CORO2B: variants seen among roughly 807,000 people sequenced by gnomAD.
CORO2B encodes coronin 2B.
A neutral mutation model predicts 58.8 loss-of-function variants in CORO2B; 26 were observed. That is an observed-to-expected ratio of 0.44 (90% confidence interval 0.32 to 0.61). The LOEUF (loss-of-function observed/expected upper bound fraction) is 0.61. CORO2B is among the 20% of genes least tolerant of loss of function. The pLI, the probability that CORO2B is intolerant of heterozygous loss-of-function variation, is 0.04. For missense variants in CORO2B, 460 were observed against 645.1 expected (o/e 0.71, Z 3.11); for synonymous variants, 242 against 253.8 (o/e 0.95, Z 0.44).
chr15:68,622,584 C>T (rs1900557836), intron 1 of CORO2B, among the ~76,000 whole-genome samples: 1 of 152,160 alleles, frequency 6.6e-6, no homozygotes. Context: ...CAAATCCTAT[C>T]GTTGGACCTC....
At chr15:68,697,515 G>A (rs1200425375) in intron 3 of CORO2B, among the ~76,000 whole-genome samples, 1 of 152,194 alleles carries the variant, frequency 6.6e-6, no homozygotes, top group African/African-American at 2.4e-5. Flanking sequence ...ATGGGAGAGT[G>A]GTGAGGAGGT....
chr15:68,543,793 C>T, the CORO2B span, among the ~76,000 whole-genome samples: 33 of 152,256 alleles, frequency 2.2e-4, no homozygotes, highest in South Asian at 6.6e-3. Context: ...TTAGTCCCTC[C>T]TGCCCTAGTC....
At chr15:68,681,467 G>A (rs1902780731) in intron 2 of CORO2B, among the ~76,000 whole-genome samples, 1 of 152,114 alleles carries the variant, frequency 6.6e-6, no homozygotes, top group Non-Finnish European at 1.5e-5. Context: ...TGGCAGAGAA[G>A]TTCTGTGTTT....
At chr15:68,621,084 C>T (rs985951116) in intron 1 of CORO2B, among the ~76,000 whole-genome samples, 3 of 152,180 alleles carry the variant, frequency 2.0e-5, no homozygotes, top group East Asian at 1.9e-4. Context: ...CGGATGAGAT[C>T]GGCAGTGAAT....
chr15:68,555,131 G>A, the CORO2B span, among the ~76,000 whole-genome samples: 10 of 152,176 alleles, frequency 6.6e-5, no homozygotes, highest in African/African-American at 2.4e-4. Context: ...GCTGGGTGAC[G>A]TCAGACTCTT....
In CORO2B at chr15:68,658,864, T is replaced by C. The variant is rs80291349; in HGVS notation, c.216+13504T>C. Among the ~76,000 whole-genome samples, 870 of 152,340 alleles carry C rather than the reference T, an allele frequency of 5.7e-3. 8 individuals are homozygous for C. The highest frequency in any genetic ancestry group is 0.02 in the African/African-American group (818 of 41,570). On this transcript the variant is annotated intron_variant, in intron 2 of 11. Coordinates refer to ENST00000261861, the MANE Select transcript of CORO2B (RefSeq NM_006091.5). ...GCAACATGGAGGCCTGATGAGCCCC[T>C]GTGCAGTGTTTGTGAAGTGCTGTCG...
intron 2 of CORO2B, among the ~76,000 whole-genome samples, chr15:68,685,828 T>C (rs1246603397): frequency 2.0e-5 from 3 of 152,184 alleles, no homozygotes; most frequent in Non-Finnish European, 4.4e-5. Flanking sequence ...TCACTGGGCA[T>C]TGGGATTACT....
chr15:68,702,057 A>T (rs1355730356), intron 3 of CORO2B, among the ~76,000 whole-genome samples: 1 of 152,142 alleles, frequency 6.6e-6, no homozygotes, highest in East Asian at 1.9e-4. Flanking sequence ...AGCCTGGCCA[A>T]CATGATAAGC....
intron 2 of CORO2B, among the ~76,000 whole-genome samples, chr15:68,680,252 TG>T (rs535630654): frequency 5.7e-4 from 87 of 152,310 alleles, no homozygotes; most frequent in Admixed American, 5.0e-3. Context: ...ACTGGCATTG[TG>T]TTTGAGACCA....
Position 68,725,956 on chromosome 15 carries a change from C to G in CORO2B, c.1425C>G (p.Asn475Lys). 1 of 1,613,876 alleles carries G rather than the reference C, an allele frequency of 6.2e-7. No homozygotes were observed. The highest frequency in any genetic ancestry group is 8.5e-7 in the Non-Finnish European group (1 of 1,180,030). ...QLQLELKNLRNSPKNC is the reference protein window; with the variant it reads ...QLQLELKNLRKSPKNC ...AGCTGGAACTGAAAAACTTGCGCAA[C>G]AGCCCCAAGAACTGTTAGCTCCCCA... The change falls in exon 12 of 12, where the codon AAC becomes AAG. Residue 475 changes from asparagine (N) to lysine (K), a missense_variant. This residue lies in a region of CORO2B where 108 missense variants were observed against 102.1 expected (regional missense o/e 1.06). Transcript: ENST00000261861.
At chr15:68,595,585 T>G (rs1899805874) in intron 1 of CORO2B, among the ~76,000 whole-genome samples, 1 of 152,220 alleles carries the variant, frequency 6.6e-6, no homozygotes, top group Non-Finnish European at 1.5e-5. Flanking sequence ...TTCTCAGCTC[T>G]GTGACTGGCT....
intron 1 of CORO2B, among the ~76,000 whole-genome samples, chr15:68,598,973 G>C (rs1323428959): frequency 1.3e-5 from 2 of 152,068 alleles, no homozygotes; most frequent in African/African-American, 2.4e-5. Context: ...GGGGTTAGGG[G>C]ATCCACCAGC....
At chr15:68,534,787 A>C in the CORO2B span, among the ~76,000 whole-genome samples, 5 of 152,312 alleles carry the variant, frequency 3.3e-5, no homozygotes, top group East Asian at 9.6e-4. Context: ...TTTATAAAGA[A>C]AAAGAGGTTT....
chr15:68,630,380 A>T (rs1280505057), intron 1 of CORO2B, among the ~76,000 whole-genome samples: 1 of 151,930 alleles, frequency 6.6e-6, no homozygotes, highest in Non-Finnish European at 1.5e-5. Flanking sequence ...GCACACCCCA[A>T]GGAACGGTGC....
At chr15:68,685,974 C>T (rs1403134555) in intron 2 of CORO2B, among the ~76,000 whole-genome samples, 5 of 150,004 alleles carry the variant, frequency 3.3e-5, no homozygotes, top group South Asian at 2.1e-4. Flanking sequence ...GAGCTGCCGC[C>T]GACCCCTTGT....
intron 7 of CORO2B, 60 bp downstream of exon 7, chr15:68,714,723 C>T (rs1310966849): frequency 7.9e-7 from 1 of 1,268,262 alleles, no homozygotes; most frequent in Non-Finnish European, 1.1e-6. Flanking sequence ...CCTCAATGCA[C>T]CCCTGCACCT....
At chr15:68,646,206 A>G (rs1901423394) in intron 2 of CORO2B, among the ~76,000 whole-genome samples, 1 of 152,204 alleles carries the variant, frequency 6.6e-6, no homozygotes, top group African/African-American at 2.4e-5. Flanking sequence ...ATTAAATCTG[A>G]AAAACCTAGA....
intron 2 of CORO2B, among the ~76,000 whole-genome samples, chr15:68,660,288 A>C (rs1901971240): frequency 6.6e-6 from 1 of 152,124 alleles, no homozygotes; most frequent in Non-Finnish European, 1.5e-5. Flanking sequence ...ATTGTCTGGC[A>C]TTGCTTCAGA....
In CORO2B at chr15:68,589,931, A is replaced by G. The variant is rs1899657262; in HGVS notation, c.15+10654A>G. ...CCAGGCCTGGCAGTGCATGCCCTAC[A>G]TGCCTGGCTGCCCCCCTGGCCTCCA... is the stretch of plus-strand genomic sequence containing the variant. On this transcript the variant is annotated intron_variant, in intron 1 of 11. Transcript: ENST00000261861. 2.0e-5 allele frequency among the ~76,000 whole-genome samples: 3 copies of G among 152,088 alleles called. No individual in the cohort carries two copies. In the South Asian group the frequency reaches 6.2e-4, roughly 31 times the overall value.
Sources: allele counts gnomAD v4.1 joint callset (sites outside exome capture counted in the v4.1 genomes callset), GRCh38; gene constraint gnomAD v4.1.1; regional missense constraint gnomAD v4.1.1; transcripts MANE v1.5; gene names NCBI Gene and HGNC (gene_info 2026-07-23, HGNC 2026-07-21).